MYT1L: variants seen among roughly 807,000 people sequenced by gnomAD.
MYT1L encodes the protein myelin transcription factor 1-like protein.
A neutral mutation model predicts 126.7 loss-of-function variants in MYT1L; 12 were observed. The observed-to-expected ratio is 0.09, with a 90% CI of 0.06 to 0.15. The LOEUF is 0.15. Among genes scored for constraint, MYT1L ranks in the 10% least tolerant of loss-of-function variants. The probability of loss-of-function intolerance (pLI) is 1.00; values close to 1 mark genes in which losing one functional copy is unlikely to be tolerated. For missense variants in MYT1L, 979 were observed against 1,585.2 expected (o/e 0.62, Z 6.49); for synonymous variants, 541 against 604.2 (o/e 0.90, Z 1.53).
intron 2 of MYT1L, among the ~76,000 whole-genome samples, chr2:2,261,395 T>C (rs187026882): frequency 9.2e-4 from 140 of 152,342 alleles, no homozygotes; most frequent in South Asian, 3.5e-3. Flanking sequence ...AACATAACTA[T>C]ATCATCTGCT....
chr2:2,217,867 AATG>A (rs1272257609), intron 2 of MYT1L, among the ~76,000 whole-genome samples: 2 of 152,150 alleles, frequency 1.3e-5, no homozygotes, highest in South Asian at 2.1e-4. Context: ...CTCGAAACTT[AATG>A]ATAACAAGAT....
intron 3 of MYT1L, among the ~76,000 whole-genome samples, chr2:2,088,388 CAG>C (rs1392387282): frequency 6.6e-6 from 1 of 152,198 alleles, no homozygotes; most frequent in African/African-American, 2.4e-5. Context: ...TCTCAAGAGA[CAG>C]TGTTCTATGA....
chr2:2,140,516 C>A (rs1395608407), intron 3 of MYT1L, among the ~76,000 whole-genome samples: 1 of 148,496 alleles, frequency 6.7e-6, no homozygotes, highest in Non-Finnish European at 1.5e-5. Flanking sequence ...ATCACTACAA[C>A]CTCCGCCTCC....
chr2:1,792,841 G>A (rs2032431015), intron 23 of MYT1L, among the ~76,000 whole-genome samples: 1 of 117,664 alleles, frequency 8.5e-6, no homozygotes, highest in South Asian at 3.0e-4. Flanking sequence ...TTGCACTCCA[G>A]CCTGGGTGAC....
intron 15 of MYT1L, among the ~76,000 whole-genome samples, chr2:1,891,099 CTT>C (rs2048817093): frequency 6.6e-6 from 1 of 151,950 alleles, no homozygotes; most frequent in African/African-American, 2.4e-5. Context: ...GCACCTGACT[CTT>C]CTCCAATATC....
At chr2:2,234,389 G>C (rs1260107845) in intron 2 of MYT1L, among the ~76,000 whole-genome samples, 2 of 152,228 alleles carry the variant, frequency 1.3e-5, no homozygotes, top group Non-Finnish European at 2.9e-5. Flanking sequence ...GCGGAATTCA[G>C]AAGTTTCTGC....
rs1465847658 is a variant in MYT1L at position 1,956,237 on chromosome 2, T to TGTCTATC, written c.153-12904_153-12903insGATAGAC. Among the ~76,000 whole-genome samples, 432 of 128,882 alleles carry TGTCTATC rather than the reference T, an allele frequency of 3.4e-3. 14 individuals are homozygous for TGTCTATC. Among genetic ancestry groups the TGTCTATC allele is most frequent in the South Asian group, 0.018 (58 of 3,230 alleles). The allele number at this position is 128,882 out of a possible 152,430, so 84.6% of individuals were successfully genotyped here. On this transcript the variant is annotated intron_variant, in intron 8 of 24. Transcript: ENST00000647738. ...TCTATCTATCTATCTGTCTATCATCTATCTATCCTATTCTATATTTCCTAT... is the reference window on the plus strand; with the variant it reads ...TCTATCTATCTATCTGTCTATCATCTGTCTATCATCTATCCTATTCTATATTTCCTAT...
At chr2:2,116,117 C>T (rs779132994) in intron 3 of MYT1L, among the ~76,000 whole-genome samples, 19 of 152,232 alleles carry the variant, frequency 1.2e-4, no homozygotes, top group Non-Finnish European at 2.8e-4. Flanking sequence ...TCAATGAACA[C>T]GTTCTGTCCT....
chr2:1,968,862 G>A (rs1005641213), intron 8 of MYT1L, among the ~76,000 whole-genome samples: 1 of 152,180 alleles, frequency 6.6e-6, no homozygotes, highest in Non-Finnish European at 1.5e-5. Context: ...TGGATGGCAG[G>A]TGGGCGGGGG....
At chr2:2,307,848 C>T (rs903079431) in intron 1 of MYT1L, among the ~76,000 whole-genome samples, 3 of 123,178 alleles carry the variant, frequency 2.4e-5, no homozygotes, top group Non-Finnish European at 5.5e-5. Flanking sequence ...TCAGTACTCT[C>T]TCTATATTCC....
At chr2:2,042,440 T>C (rs2067658946) in intron 4 of MYT1L, among the ~76,000 whole-genome samples, 1 of 152,196 alleles carries the variant, frequency 6.6e-6, no homozygotes, top group South Asian at 2.1e-4. Context: ...GCATATTTAT[T>C]AATCCTAAGC....
At chr2:1,939,093 T>C (rs2056336454) in intron 9 of MYT1L, among the ~76,000 whole-genome samples, 1 of 152,218 alleles carries the variant, frequency 6.6e-6, no homozygotes, top group African/African-American at 2.4e-5. Context: ...GAGGCCAGCA[T>C]GACCTTGTCC....
chr2:1,817,670 G>A (rs1452526166), intron 21 of MYT1L, among the ~76,000 whole-genome samples: 2 of 152,148 alleles, frequency 1.3e-5, no homozygotes, highest in Non-Finnish European at 2.9e-5. Context: ...GGGTGGTGGC[G>A]GCCCTGGTGC....
intron 14 of MYT1L, among the ~76,000 whole-genome samples, chr2:1,893,713 G>C (rs2049219464): frequency 6.6e-6 from 1 of 152,184 alleles, no homozygotes; most frequent in African/African-American, 2.4e-5. Flanking sequence ...AGGAAGAAGA[G>C]AACAAAGCTA....
chr2:1,977,927 T>C (rs2060310731), intron 8 of MYT1L, among the ~76,000 whole-genome samples: 1 of 152,200 alleles, frequency 6.6e-6, no homozygotes, highest in South Asian at 2.1e-4. Context: ...ATTCAATAAT[T>C]TACTATTTTA....
At chr2:2,162,812 G>T (rs1165581622) in intron 3 of MYT1L, among the ~76,000 whole-genome samples, 1 of 152,170 alleles carries the variant, frequency 6.6e-6, no homozygotes, top group African/African-American at 2.4e-5. Context: ...AACTCATTCG[G>T]ATCCTGGCCA....
chr2:2,030,868 CATAT>C (rs1452549969), intron 4 of MYT1L, among the ~76,000 whole-genome samples: 10 of 152,252 alleles, frequency 6.6e-5, no homozygotes, highest in Non-Finnish European at 1.3e-4. Flanking sequence ...ATTTGGTGCT[CATAT>C]ATACTCAGTC....
chr2:1,791,265 A>C lies in MYT1L; in HGVS notation c.*602T>G. ...TGCCCCCACCATACACCATCCTCCT[A>C]AAACAAACAAACAAAAAAGTCACAT... On this transcript the variant is annotated 3_prime_UTR_variant, in exon 25 of 25. Coordinates refer to ENST00000647738, the MANE Select transcript of MYT1L (RefSeq NM_001303052.2). This position sits in a 1 kb window ranked among gnomAD's most constrained non-coding sequence, Gnocchi z 6.0. 1 of 468,116 alleles carries C rather than the reference A, an allele frequency of 2.1e-6. No homozygotes were observed. The highest frequency in any genetic ancestry group is 1.6e-5 in the South Asian group (1 of 63,256). The allele number at this position is 468,116 out of a possible 1,614,324, so 29.0% of individuals were successfully genotyped here. A position where few individuals can be genotyped will look rare whatever the true frequency, so the allele number is the denominator to read the frequency against.
rs1346868585 is a variant in MYT1L at position 1,917,822 on chromosome 2, A to C, written c.1484-483T>G. On this transcript the variant is annotated intron_variant, in intron 10 of 24. Coordinates refer to ENST00000647738, the MANE Select transcript of MYT1L (RefSeq NM_001303052.2). This position sits in a 1 kb window ranked among gnomAD's most constrained non-coding sequence, Gnocchi z 5.9. ...GATCGCATACACTAGAAGCTGCAGG[A>C]TTTTACTGACATTGAAATTTGCTCT... 2.0e-5 allele frequency among the ~76,000 whole-genome samples: 3 copies of C among 152,192 alleles called. No homozygotes were observed. Among genetic ancestry groups the C allele is most frequent in the African/African-American group, 7.2e-5 (3 of 41,434 alleles).
Sources: gnomAD v4.1 joint callset for allele counts (sites outside exome capture counted in the v4.1 genomes callset) on GRCh38, gnomAD v4.1.1 for gene constraint, Gnocchi (gnomAD v3.1) non-coding constraint, MANE v1.5 for transcripts, NCBI Gene and HGNC (gene_info 2026-07-23, HGNC 2026-07-21) for gene names.